TOX: variants seen among roughly 807,000 people sequenced by gnomAD.
TOX encodes thymocyte selection-associated high mobility group box protein TOX.
A neutral mutation model predicts 53.7 loss-of-function variants in TOX; 11 were observed. The observed-to-expected ratio is 0.20, with a 90% CI of 0.13 to 0.34. TOX has a LOEUF of 0.34. Ranked by LOEUF, TOX falls within the 10% of genes least tolerant of loss-of-function variation. The pLI is 1.00. For synonymous variants in TOX, 225 were observed against 245.3 expected, an observed-to-expected ratio of 0.92 and a Z score of 0.77; for missense variants, 570 against 664.6, an observed-to-expected ratio of 0.86 and a Z score of 1.56.
chr8:59,063,125 C>A (rs1472925785), intron 1 of TOX, among the ~76,000 whole-genome samples: 2 of 152,130 alleles, frequency 1.3e-5, no homozygotes, highest in Non-Finnish European at 2.9e-5. Context: ...GCTCTAGCTA[C>A]TGAAATCCTA....
Position 59,077,106 on chromosome 8 carries a change from A to T in TOX, c.102+41780T>A, listed in dbSNP as rs954914597. 5.3e-5 allele frequency among the ~76,000 whole-genome samples: 8 copies of T among 152,206 alleles called. No individual in the cohort carries two copies. In the East Asian group the frequency reaches 1.3e-3, roughly 26 times the overall value. ...ACTCCTTGTGTTAGAGCTAGGGCAG[A>T]GCTCTGACCCACACCCCATAAGGCA... On this transcript the variant is annotated intron_variant, in intron 1 of 8. Transcript: ENST00000361421.
In TOX at chr8:58,811,506, C is replaced by G. The variant is rs76710652; in HGVS notation, c.1393-3237G>C. 1.4e-3 allele frequency among the ~76,000 whole-genome samples: 218 copies of G among 152,338 alleles called. 2 individuals are homozygous for G. The highest frequency in any genetic ancestry group is 4.9e-3 in the African/African-American group (205 of 41,564). ...CACAACCAAACAGTGATCCTCATAT[C>G]CACACTTTACTGGGAACTAATTTCA... On this transcript the variant is annotated intron_variant, in intron 7 of 8. Transcript: ENST00000361421.
At chr8:58,936,804 A>G (rs1455223944) in intron 3 of TOX, among the ~76,000 whole-genome samples, 1 of 152,196 alleles carries the variant, frequency 6.6e-6, no homozygotes, top group Admixed American at 6.5e-5. Context: ...TGGGCTTAAT[A>G]TAGACTTAAT....
intron 1 of TOX, among the ~76,000 whole-genome samples, chr8:59,078,589 A>G (rs1418489289): frequency 6.6e-6 from 1 of 152,134 alleles, no homozygotes; most frequent in Non-Finnish European, 1.5e-5. Flanking sequence ...CATGCTTCCT[A>G]TATATTCGTG....
chr8:59,055,175 C>G lies in TOX; in HGVS notation c.102+63711G>C, dbSNP rs188636464. 3.3e-5 allele frequency among the ~76,000 whole-genome samples: 5 copies of G among 152,236 alleles called. No individual in the cohort carries two copies. The East Asian group carries it at 9.7e-4, about 29-fold the overall frequency. On this transcript the variant is annotated intron_variant, in intron 1 of 8. Transcript: ENST00000361421. ...CTCCTAGAGTTGATTCAAAACTAAGCTTGCTGTGATATCAAAGGGGGAGCT... is the reference window on the plus strand; with the variant it reads ...CTCCTAGAGTTGATTCAAAACTAAGGTTGCTGTGATATCAAAGGGGGAGCT...
intron 1 of TOX, among the ~76,000 whole-genome samples, chr8:58,991,308 T>C (rs1224158814): frequency 1.3e-5 from 2 of 152,210 alleles, no homozygotes. Context: ...AAATTAAGGA[T>C]TGGTCTTCAA....
chr8:59,091,005 C>T (rs946665957), intron 1 of TOX, among the ~76,000 whole-genome samples: 1 of 152,160 alleles, frequency 6.6e-6, no homozygotes, highest in Admixed American at 6.5e-5. Flanking sequence ...CCCATGTGCT[C>T]CTTCTCCAGC....
chr8:58,945,349 A>T (rs555867341), intron 2 of TOX, among the ~76,000 whole-genome samples: 1 of 152,222 alleles, frequency 6.6e-6, no homozygotes, highest in Non-Finnish European at 1.5e-5. Context: ...TGAGACTATT[A>T]ATGGAATCAA....
chr8:59,056,189 G>A (rs1209904413), intron 1 of TOX, among the ~76,000 whole-genome samples: 1 of 151,988 alleles, frequency 6.6e-6, no homozygotes, highest in Non-Finnish European at 1.5e-5. Flanking sequence ...ACTTTGGGAG[G>A]CCAAGGTGGG....
intron 1 of TOX, among the ~76,000 whole-genome samples, chr8:59,052,183 T>C (rs754921008): frequency 3.3e-5 from 5 of 152,236 alleles, no homozygotes; most frequent in Non-Finnish European, 5.9e-5. Flanking sequence ...AAATATGTAA[T>C]GGGAACACAT....
rs1311652251 is a variant in TOX at position 59,118,324 on chromosome 8, G to A, written c.102+562C>T. 1.3e-5 allele frequency among the ~76,000 whole-genome samples: 2 copies of A among 152,194 alleles called. No individual in the cohort carries two copies. Among genetic ancestry groups the A allele is most frequent in the African/African-American group, 4.8e-5 (2 of 41,456 alleles). On this transcript the variant is annotated intron_variant, in intron 1 of 8. Transcript: ENST00000361421. This position sits in a 1 kb window ranked among gnomAD's most constrained non-coding sequence, Gnocchi z 4.1. Reference sequence around the variant, plus strand: ...GGACCTGTGTCCGAACCCGGGCTCGGCTGCCGGAACCGGTTTGAGAAAACA... The same window carrying A: ...GGACCTGTGTCCGAACCCGGGCTCGACTGCCGGAACCGGTTTGAGAAAACA...
At chr8:59,087,885 A>AG (rs1307926643) in intron 1 of TOX, among the ~76,000 whole-genome samples, 1 of 152,212 alleles carries the variant, frequency 6.6e-6, no homozygotes, top group African/African-American at 2.4e-5. Flanking sequence ...GAAAAGGTGG[A>AG]GTGCTCACCT....
At chr8:58,962,292 G>T (rs1812813141) in intron 1 of TOX, among the ~76,000 whole-genome samples, 1 of 152,136 alleles carries the variant, frequency 6.6e-6, no homozygotes, top group Admixed American at 6.5e-5. Flanking sequence ...TACCATAAAA[G>T]ACTTGTGGCT....
At position 58,851,952 on chromosome 8, in the gene TOX, G is replaced by A; in HGVS notation, c.412-147C>T. On this transcript the variant is annotated intron_variant, in intron 3 of 8. Transcript: ENST00000361421. The surrounding 1 kb of genome is among the most constrained non-coding windows in gnomAD (Gnocchi z 4.4). ...TACATACACATTTATTTTATCTGGG[G>A]TAAAATAATCCTAAAAGTATATATC... 2 of 694,854 alleles carry A rather than the reference G, an allele frequency of 2.9e-6. No individual in the cohort carries two copies. The highest frequency in any genetic ancestry group is 1.9e-5 in the African/African-American group (1 of 53,680). The allele number at this position is 694,854 out of a possible 1,614,324, so 43.0% of individuals were successfully genotyped here. A position where few individuals can be genotyped will look rare whatever the true frequency, so the allele number is the denominator to read the frequency against.
intron 3 of TOX, among the ~76,000 whole-genome samples, chr8:58,895,292 G>T (rs1309596843): frequency 6.6e-6 from 1 of 151,930 alleles, no homozygotes; most frequent in Admixed American, 6.6e-5. Context: ...GTTAGTCTTT[G>T]GAAAAGTTTA....
At chr8:58,814,867 T>G (rs1383320827) in intron 7 of TOX, among the ~76,000 whole-genome samples, 2 of 152,194 alleles carry the variant, frequency 1.3e-5, no homozygotes, top group African/African-American at 2.4e-5. Flanking sequence ...CCAGATTTGG[T>G]GTTGGACCTG....
intron 6 of TOX, among the ~76,000 whole-genome samples, chr8:58,820,224 A>G (rs774411623): frequency 4.6e-5 from 7 of 151,908 alleles, no homozygotes; most frequent in African/African-American, 9.7e-5. Flanking sequence ...ACTACTGACT[A>G]TGGAAACAGA....
At chr8:58,973,819 A>G in intron 1 of TOX, among the ~76,000 whole-genome samples, 1 of 151,586 alleles carries the variant, frequency 6.6e-6, no homozygotes, top group East Asian at 1.9e-4. Context: ...TTTTTTTGAA[A>G]TGGAGTCTCA....
chr8:59,003,471 C>T lies in TOX; in HGVS notation c.103-43463G>A, dbSNP rs565316388. On this transcript the variant is annotated intron_variant, in intron 1 of 8. Transcript: ENST00000361421. ...GAGTGACATAAGGAAGAGGGCGCTA[C>T]AGTTTTTATGGAAGTTCAGGATTCA... Among the ~76,000 whole-genome samples the T allele has an allele frequency of 3.3e-5, 5 of 152,212 alleles. No individual in the cohort carries two copies. The East Asian group carries it at 7.7e-4, about 23-fold the overall frequency.
Sources: allele counts gnomAD v4.1 joint callset (sites outside exome capture counted in the v4.1 genomes callset), GRCh38; gene constraint gnomAD v4.1.1; non-coding constraint Gnocchi (gnomAD v3.1); transcripts MANE v1.5; gene names NCBI Gene and HGNC (gene_info 2026-07-23, HGNC 2026-07-21).